Variants in PHYHIP observed in about 807,000 individuals in gnomAD.
PHYHIP encodes phytanoyl-CoA 2-hydroxylase interacting protein.
A neutral mutation model predicts 26.1 loss-of-function variants in PHYHIP; 7 were observed. The observed-to-expected ratio is 0.27, with a 90% CI of 0.15 to 0.50. PHYHIP has a LOEUF of 0.50. Ranked by LOEUF, PHYHIP falls within the 20% of genes least tolerant of loss-of-function variation. The probability of loss-of-function intolerance (pLI) is 0.98; values close to 1 mark genes in which losing one functional copy is unlikely to be tolerated. For missense variants in PHYHIP, 232 were observed against 454.7 expected (o/e 0.51, Z 4.45); for synonymous variants, 206 against 183.4 (o/e 1.12, Z -1.00).
chr8:22,227,712 C>A (rs965731273), intron 2 of PHYHIP: 1 of 456,788 alleles, frequency 2.2e-6, no homozygotes. Context: ...AGGTGAGGGG[C>A]CCGAGAGGGA....
At chr8:22,223,536 C>T (rs2131922502) in intron 4 of PHYHIP, among the ~76,000 whole-genome samples, 1 of 152,286 alleles carries the variant, frequency 6.6e-6, no homozygotes, top group South Asian at 2.1e-4. Context: ...CTCGAATGAA[C>T]AAGTGCTTCC....
At chr8:22,229,478 G>A (rs955869040) in intron 1 of PHYHIP, among the ~76,000 whole-genome samples, 4 of 152,086 alleles carry the variant, frequency 2.6e-5, no homozygotes, top group South Asian at 4.1e-4. Flanking sequence ...ACCTCATCAC[G>A]GTCACTCTCA....
chr8:22,230,485 G>A (rs891009068), intron 1 of PHYHIP, among the ~76,000 whole-genome samples: 1 of 152,098 alleles, frequency 6.6e-6, no homozygotes, highest in Non-Finnish European at 1.5e-5. Flanking sequence ...GTGAGCTGGG[G>A]TGGACAGAGG....
At chr8:22,224,168 G>T in intron 4 of PHYHIP, 58 bp downstream of exon 4, 1 of 1,016,292 alleles carries the variant, frequency 9.8e-7, no homozygotes, top group Non-Finnish European at 1.6e-6. Flanking sequence ...GACAGGAGCA[G>T]GAAGGGCTGG....
intron 1 of PHYHIP, among the ~76,000 whole-genome samples, chr8:22,231,423 C>A (rs1018956587): frequency 4.6e-5 from 7 of 152,226 alleles, no homozygotes; most frequent in African/African-American, 1.2e-4. Context: ...GACAGACGGA[C>A]CTATCTGCGC....
Position 22,228,387 on chromosome 8 carries a change from C to T in PHYHIP, c.-29-1G>A. 1 of 1,553,758 alleles carries T rather than the reference C, an allele frequency of 6.4e-7. No homozygotes were observed. The highest frequency in any genetic ancestry group is 8.7e-7 in the Non-Finnish European group (1 of 1,145,240). On this transcript the variant is annotated splice_acceptor_variant, in intron 1 of 4. Transcript: ENST00000454243. LOFTEE classifies it low-confidence loss of function (5UTR_SPLICE). ...CCGTCAGGGTTGTCTCCTGTGGGGA[C>T]TGAGGAGGAGGGAAAGGGTCAGTAC...
Position 22,221,487 on chromosome 8 carries a change from T to C in PHYHIP, c.859A>G (p.Ile287Val). ...GACAGGTCGACGGGCTCAGTGTAGA[T>C]GATCTCCAGGATGAGGTCCTGGGCG... ...RHAQDLILEI[I>V]YTEPVDLSLG... The change falls in exon 5 of 5, where the codon ATC becomes GTC. Residue 287 changes from isoleucine (I) to valine (V), a missense_variant. Physicochemically the swap from Ile to Val is conservative, Grantham distance 29 (BLOSUM62 3). Coordinates refer to ENST00000454243, the MANE Select transcript of PHYHIP (RefSeq NM_014759.5). This position sits in a 1 kb window ranked among gnomAD's most constrained non-coding sequence, Gnocchi z 7.9. The C allele has an allele frequency of 1.9e-6, 3 of 1,614,102 alleles. No individual in the cohort carries two copies. Among genetic ancestry groups the C allele is most frequent in the Non-Finnish European group, 2.5e-6 (3 of 1,179,978 alleles).
rs1426565907 is a variant in PHYHIP, at chr8:22,221,730, A to G, written c.616T>C (p.Phe206Leu). 3.7e-6 allele frequency: 6 copies of G among 1,612,736 alleles called. No homozygotes were observed. Among genetic ancestry groups the G allele is most frequent in the African/African-American group, 2.7e-5 (2 of 74,898 alleles). ...PQDSPYGRWR[F>L]QIPAQRLFNP... ...AAGAGGCGCTGAGCTGGGATCTGGA[A>G]GCGCCAGCGGCCGTAGGGGGAGTCC... The change falls in exon 5 of 5, where the codon TTC (phenylalanine) becomes CTC (leucine). Residue 206 changes from phenylalanine to leucine, a missense_variant. By Grantham distance (22) the Phe-to-Leu change is conservative. Coordinates refer to ENST00000454243, the MANE Select transcript of PHYHIP (RefSeq NM_014759.5). This position sits in a 1 kb window ranked among gnomAD's most constrained non-coding sequence, Gnocchi z 7.9.
intron 4 of PHYHIP, among the ~76,000 whole-genome samples, chr8:22,222,948 C>T (rs1829661707): frequency 6.6e-6 from 1 of 152,146 alleles, no homozygotes; most frequent in African/African-American, 2.4e-5. Context: ...ATCTCGGCCT[C>T]CCAACGTGGT....
chr8:22,225,064 C>T (rs1190098766), intron 3 of PHYHIP, among the ~76,000 whole-genome samples: 1 of 152,108 alleles, frequency 6.6e-6, no homozygotes, highest in African/African-American at 2.4e-5. Context: ...GGAGTGTGGA[C>T]TGGATTGCAG....
At chr8:22,226,674 G>A (rs1829751664) in intron 3 of PHYHIP, among the ~76,000 whole-genome samples, 177 bp downstream of exon 3, 1 of 152,176 alleles carries the variant, frequency 6.6e-6, no homozygotes, top group Non-Finnish European at 1.5e-5. Flanking sequence ...GAAAGGTTGG[G>A]CTCCTGGAGG....
At chr8:22,222,328 G>A (rs1829648042) in intron 4 of PHYHIP, among the ~76,000 whole-genome samples, 1 of 152,084 alleles carries the variant, frequency 6.6e-6, no homozygotes, top group Non-Finnish European at 1.5e-5. Context: ...TCCTCCGTCT[G>A]GCTTGGCAAA....
chr8:22,225,737 G>A (rs1311464617), intron 3 of PHYHIP, among the ~76,000 whole-genome samples: 2 of 150,954 alleles, frequency 1.3e-5, no homozygotes, highest in East Asian at 1.9e-4. Context: ...CCCGGGAGGC[G>A]GAGATTGCAG....
rs531784926 is a variant in PHYHIP, at chr8:22,231,960, C to T, written c.-194G>A. The T allele has an allele frequency of 2.6e-5, 4 of 152,660 alleles. No homozygotes were observed. Among genetic ancestry groups the T allele is most frequent in the East Asian group, 3.9e-4 (2 of 5,180 alleles). 9.5% of individuals were successfully genotyped at this position (152,660 alleles called of 1,614,324 possible). On this transcript the variant is annotated 5_prime_UTR_variant, in exon 1 of 5. Coordinates refer to ENST00000454243, the MANE Select transcript of PHYHIP (RefSeq NM_014759.5). ...TGCCAAGGAGGCTGCTTCCATGCCC[C>T]GCAGCCAGCTCCTGTCTGGCTGTGC...
chr8:22,226,568 T>C (rs906227063), intron 3 of PHYHIP, among the ~76,000 whole-genome samples: 1 of 152,212 alleles, frequency 6.6e-6, no homozygotes, highest in African/African-American at 2.4e-5. Context: ...ATGCCTGTGA[T>C]CTGGTACCAA....
At position 22,220,719 on chromosome 8, in the gene PHYHIP, T is replaced by A. The variant is rs748788688; in HGVS notation, c.*634A>T. On this transcript the variant is annotated 3_prime_UTR_variant, in exon 5 of 5. Coordinates refer to ENST00000454243, the MANE Select transcript of PHYHIP (RefSeq NM_014759.5). ...TCCTTTCTAGAGAGCAGGGGGAGTG[T>A]CCCGGTGGGCAGGTGGAGAAGGAGG... is the stretch of plus-strand genomic sequence containing the variant. The A allele has an allele frequency of 6.6e-6, 1 of 152,072 alleles. No homozygotes were observed. The highest frequency in any genetic ancestry group is 1.5e-5 in the Non-Finnish European group (1 of 68,106). 9.4% of individuals were successfully genotyped at this position (152,072 alleles called of 1,614,324 possible).
At position 22,224,216 on chromosome 8, in the gene PHYHIP, G is replaced by T. The variant is rs540958848; in HGVS notation, c.458+10C>A. On this transcript the variant is annotated intron_variant, in intron 4 of 4. Coordinates refer to ENST00000454243, the MANE Select transcript of PHYHIP (RefSeq NM_014759.5). ...GCCCGGCGGGTCCAGCCGGGAGCCCGCGCCCATACCTGGCATGCTGGAAGT... is the reference window on the plus strand; with the variant it reads ...GCCCGGCGGGTCCAGCCGGGAGCCCTCGCCCATACCTGGCATGCTGGAAGT... 1.3e-6 allele frequency: 2 copies of T among 1,531,472 alleles called. No homozygotes were observed. The highest frequency in any genetic ancestry group is 9.0e-7 in the Non-Finnish European group (1 of 1,106,396). 94.9% of individuals were successfully genotyped at this position (1,531,472 alleles called of 1,614,324 possible).
intron 3 of PHYHIP, among the ~76,000 whole-genome samples, chr8:22,225,840 AG>A (rs1829733866): frequency 1.3e-5 from 2 of 151,994 alleles, no homozygotes; most frequent in African/African-American, 4.8e-5. Context: ...GAGAAAAAAA[AG>A]AAAAAGCACC....
intron 2 of PHYHIP, chr8:22,227,735 C>T (rs1466740598): frequency 2.2e-6 from 1 of 457,182 alleles, no homozygotes; most frequent in African/African-American, 2.0e-5. Context: ...ACTGAGGCCA[C>T]AGCAAAAGGG....
Sources: allele counts gnomAD v4.1 joint callset (sites outside exome capture counted in the v4.1 genomes callset), GRCh38; gene constraint gnomAD v4.1.1; non-coding constraint Gnocchi (gnomAD v3.1); transcripts MANE v1.5; gene names NCBI Gene and HGNC (gene_info 2026-07-23, HGNC 2026-07-21).